Variants in GNAS observed in about 807,000 individuals in gnomAD.
GNAS encodes protein ALEX.
Under a neutral mutation model 54.5 loss-of-function variants are expected in GNAS, and 8 were observed. The observed-to-expected ratio is 0.15, with a 90% CI of 0.09 to 0.26. The LOEUF (loss-of-function observed/expected upper bound fraction) is 0.26, where lower values mean the gene tolerates loss of function less well. GNAS is among the 10% of genes least tolerant of loss of function. GNAS has a pLI of 1.00. For missense variants in GNAS, 170 were observed against 529.8 expected (o/e 0.32, Z 6.67); for synonymous variants, 204 against 191.4 (o/e 1.07, Z -0.54).
At chr20:58,898,800 G>A in intron 2 of GNAS, 141 bp from the exon 3 acceptor site, 1 of 805,988 alleles carries the variant, frequency 1.2e-6, no homozygotes, top group East Asian at 2.4e-5. Flanking sequence ...CCTAAGAATT[G>A]CCGGGAGGAT....
At chr20:58,890,215 A>G (rs916338826), upstream of GNAS, among the ~76,000 whole-genome samples, 28 of 151,142 alleles carry the variant, frequency 1.9e-4, 1 homozygote, top group African/African-American at 6.0e-4. Context: ...AAGAAGAAGA[A>G]GGTGCCAGAA....
At chr20:58,868,996 A>G (rs770739525) in intron 1 of GNAS, among the ~76,000 whole-genome samples, 2 of 152,128 alleles carry the variant, frequency 1.3e-5, no homozygotes, top group Non-Finnish European at 2.9e-5. Flanking sequence ...CCTCCTTCCC[A>G]AGGACACGGC....
upstream of GNAS, chr20:58,888,938 C>T (rs6026579): frequency 0.67 from 182,676 of 274,276 alleles, 61,217 homozygotes; most frequent in South Asian, 0.75. Flanking sequence ...GCGCCCACCG[C>T]CTTGGGCGCG....
In GNAS at chr20:58,910,567, G is replaced by C. The variant is rs570913871; in HGVS notation, c.1039-116G>C. On this transcript the variant is annotated intron_variant, in intron 12 of 12. Coordinates refer to ENST00000371085, the MANE Select transcript of GNAS (RefSeq NM_000516.7). The surrounding 1 kb of genome is among the most constrained non-coding windows in gnomAD (Gnocchi z 5.8). ...TCTTTGCGCCCCTCTTTTTGCTTTT[G>C]TTTTCATATGACATCAGAGGCTGGC... The C allele has an allele frequency of 1.8e-4, 240 of 1,349,960 alleles. 1 individual carries two copies. In the African/African-American group the frequency reaches 2.6e-3, roughly 15 times the overall value. 83.6% of individuals were successfully genotyped at this position (1,349,960 alleles called of 1,614,324 possible).
At chr20:58,875,360 C>T (rs7273251) in intron 1 of GNAS, among the ~76,000 whole-genome samples, 4,541 of 152,192 alleles carry the variant, frequency 0.03, 95 homozygotes, top group African/African-American at 0.044. Flanking sequence ...TGAGGCTACT[C>T]GTAAGGGACA....
chr20:58,897,431 A>G (rs899257807), intron 2 of GNAS: 7 of 152,352 alleles, frequency 4.6e-5, no homozygotes, highest in Admixed American at 3.9e-4. Flanking sequence ...TATCCTCTAG[A>G]TAAATATTTT....
At chr20:58,850,857 A>C (rs2086134670) in intron 1 of GNAS, 1 of 398,618 alleles carries the variant, frequency 2.5e-6, no homozygotes. Flanking sequence ...CCGGCTTCCA[A>C]CCACCCCAGC....
At chr20:58,859,414 C>T (rs1183304525) in intron 1 of GNAS, among the ~76,000 whole-genome samples, 1 of 152,040 alleles carries the variant, frequency 6.6e-6, no homozygotes, top group Non-Finnish European at 1.5e-5. Flanking sequence ...GTTGTTCAAG[C>T]TGGTCTCGAA....
rs3730168 is a variant in GNAS, at chr20:58,903,884, G to A, written c.432+93G>A. ...TGAGTGACAGCCCTGCACATGGGCA[G>A]GAGCATCCAAACCACACTTCAGGCA... On this transcript the variant is annotated intron_variant, in intron 5 of 12. Transcript: ENST00000371085. The A allele has an allele frequency of 0.33, 447,395 of 1,361,808 alleles. 75,343 individuals are homozygous for A. Among genetic ancestry groups the A allele is most frequent in the African/African-American group, 0.46 (31,908 of 69,830 alleles). The allele number at this position is 1,361,808 out of a possible 1,614,324, so 84.4% of individuals were successfully genotyped here. A position where few individuals can be genotyped will look rare whatever the true frequency, so the allele number is the denominator to read the frequency against.
At chr20:58,880,783 A>T (rs2088178451) in intron 1 of GNAS, among the ~76,000 whole-genome samples, 1 of 150,940 alleles carries the variant, frequency 6.6e-6, no homozygotes, top group African/African-American at 2.4e-5. Flanking sequence ...AATCTCTTCT[A>T]CCTTTGGCAT....
chr20:58,845,033 T>G (rs1465495867), intron 1 of GNAS, among the ~76,000 whole-genome samples: 1 of 104,366 alleles, frequency 9.6e-6, no homozygotes, highest in African/African-American at 2.8e-5. Context: ...GTGTGTGTTT[T>G]ACGTGTGTGT....
At chr20:58,852,470 G>A (rs2086218715) in intron 1 of GNAS, among the ~76,000 whole-genome samples, 1 of 152,220 alleles carries the variant, frequency 6.6e-6, no homozygotes, top group Non-Finnish European at 1.5e-5. Flanking sequence ...GGCACCAAAA[G>A]CCTTGCGCTC....
At chr20:58,889,012 GC>G (rs1450665923), upstream of GNAS, 3 of 962,446 alleles carry the variant, frequency 3.1e-6, no homozygotes, top group Non-Finnish European at 1.2e-6. Flanking sequence ...CCCGGCACCG[GC>G]CTGCACCCCC....
Position 58,911,086 on chromosome 20 carries a change from ACAG to A in GNAS, c.*266_*268del, listed in dbSNP as rs919102582. 6.4e-6 allele frequency: 4 copies of A among 627,644 alleles called. No individual in the cohort carries two copies. Among genetic ancestry groups the A allele is most frequent in the Admixed American group, 2.2e-5 (1 of 46,124 alleles). The allele number at this position is 627,644 out of a possible 1,614,324, so 38.9% of individuals were successfully genotyped here. A position where few individuals can be genotyped will look rare whatever the true frequency, so the allele number is the denominator to read the frequency against. On this transcript the variant is annotated 3_prime_UTR_variant, in exon 13 of 13. Coordinates refer to ENST00000371085, the MANE Select transcript of GNAS (RefSeq NM_000516.7). ...CTCACTTTCAGTAAAAATAAATAAA[ACAG>A]CAGCAGCAAACAAATAAAATGAAAT...
Position 58,863,290 on chromosome 20 carries a change from C to T in GNAS, c.43+22404C>T, listed in dbSNP as rs1198454998. Among the ~76,000 whole-genome samples, 1 of 152,126 alleles carries T rather than the reference C, an allele frequency of 6.6e-6. No homozygotes were observed. On this transcript the variant is annotated intron_variant, in intron 1 of 12. Transcript: ENST00000306090. The surrounding 1 kb of genome is among the most constrained non-coding windows in gnomAD (Gnocchi z 4.1). ...AGGGAGTGTGCCTCTGTTGTACTTCCTTAGAGTAAAATCCCAAATTGCATT... is the reference window on the plus strand; with the variant it reads ...AGGGAGTGTGCCTCTGTTGTACTTCTTTAGAGTAAAATCCCAAATTGCATT...
chr20:58,887,058 A>G (rs1261453295), upstream of GNAS, among the ~76,000 whole-genome samples: 1 of 152,230 alleles, frequency 6.6e-6, no homozygotes, highest in African/African-American at 2.4e-5. Flanking sequence ...GACATGGGGC[A>G]GTTTCACTCC....
At chr20:58,880,877 A>T (rs1293921998) in intron 1 of GNAS, among the ~76,000 whole-genome samples, 1 of 152,188 alleles carries the variant, frequency 6.6e-6, no homozygotes, top group Non-Finnish European at 1.5e-5. Flanking sequence ...TTTTAAACAA[A>T]GTTCTCTTCT....
At chr20:58,903,892 C>A in intron 5 of GNAS, 101 bp downstream of exon 5, 3 of 1,226,506 alleles carry the variant, frequency 2.4e-6, no homozygotes, top group Non-Finnish European at 3.6e-6. Context: ...CAGGAGCATC[C>A]AAACCACACT....
intron 1 of GNAS, among the ~76,000 whole-genome samples, chr20:58,862,694 C>CAGAGTA (rs1159934018): frequency 3.3e-5 from 5 of 151,744 alleles, no homozygotes; most frequent in African/African-American, 1.2e-4. Context: ...TCTTTGTTTA[C>CAGAGTA]ATTTTGTAAA....
Sources: allele counts gnomAD v4.1 joint callset (sites outside exome capture counted in the v4.1 genomes callset), GRCh38; gene constraint gnomAD v4.1.1; non-coding constraint Gnocchi (gnomAD v3.1); transcripts MANE v1.5; gene names NCBI Gene and HGNC (gene_info 2026-07-23, HGNC 2026-07-21).